Variants in MARCHF1 observed in about 807,000 individuals in gnomAD.
MARCHF1 encodes the protein membrane associated ring-CH-type finger 1.
In MARCHF1, 40 loss-of-function variants were observed where a neutral mutation model predicts 54.2. That is an observed-to-expected ratio of 0.74 (90% CI 0.57 to 0.96). The LOEUF is 0.96. MARCHF1 is among the 40% of genes least tolerant of loss of function. The pLI, the probability that MARCHF1 is intolerant of heterozygous loss-of-function variation, is 0.00. For synonymous variants in MARCHF1, 236 were observed against 236.3 expected (o/e 1.00, Z 0.01); for missense variants, 586 against 656.5 (o/e 0.89, Z 1.17).
intron 2 of MARCHF1, among the ~76,000 whole-genome samples, chr4:164,080,666 G>A (rs138480511): frequency 6.6e-6 from 1 of 150,702 alleles, no homozygotes; most frequent in South Asian, 2.2e-4. Context: ...GTGTGTGTGT[G>A]TGTGTATATA....
At chr4:164,176,980 C>CTCTCTATATATATA (rs1466683245) in intron 1 of MARCHF1, among the ~76,000 whole-genome samples, 30 of 58,864 alleles carry the variant, frequency 5.1e-4, no homozygotes, top group African/African-American at 2.2e-3. Flanking sequence ...CTCTCTCTCT[C>CTCTCTATATATATA]TATATATATA....
chr4:164,019,457 G>A (rs553606793), intron 2 of MARCHF1, among the ~76,000 whole-genome samples: 1 of 152,254 alleles, frequency 6.6e-6, no homozygotes, highest in South Asian at 2.1e-4. Flanking sequence ...ATTCTGGGAT[G>A]GGTTTGCTCT....
At chr4:164,277,530 A>C (rs1733918238) in intron 1 of MARCHF1, among the ~76,000 whole-genome samples, 1 of 152,190 alleles carries the variant, frequency 6.6e-6, no homozygotes, top group South Asian at 2.1e-4. Context: ...ATCACACCTC[A>C]GAGATTCTGT....
At chr4:163,904,912 G>T (rs9999313) in intron 3 of MARCHF1, among the ~76,000 whole-genome samples, 3,184 of 152,170 alleles carry the variant, frequency 0.021, 152 homozygotes, top group East Asian at 0.19. Flanking sequence ...ATTCTAACTT[G>T]TATTTCACTT....
chr4:163,573,627 A>G (rs894653385), intron 8 of MARCHF1, among the ~76,000 whole-genome samples: 1 of 151,730 alleles, frequency 6.6e-6, no homozygotes, highest in Non-Finnish European at 1.5e-5. Flanking sequence ...CCATGTCCCT[A>G]CAAAGGACAT....
At chr4:164,349,574 T>C (rs752003034) in intron 1 of MARCHF1, among the ~76,000 whole-genome samples, 81 of 152,206 alleles carry the variant, frequency 5.3e-4, no homozygotes, top group Non-Finnish European at 1.1e-3. Context: ...TTTCATGTCC[T>C]TTTATGGGAA....
At chr4:163,948,140 A>C (rs1323039647) in intron 3 of MARCHF1, among the ~76,000 whole-genome samples, 1 of 152,234 alleles carries the variant, frequency 6.6e-6, no homozygotes, top group Non-Finnish European at 1.5e-5. Flanking sequence ...GATCTATCTG[A>C]TGACAACAAG....
chr4:164,080,043 A>G (rs1316488236), intron 2 of MARCHF1, among the ~76,000 whole-genome samples: 4 of 152,170 alleles, frequency 2.6e-5, no homozygotes, highest in East Asian at 3.9e-4. Context: ...TAAATTGACA[A>G]TGTGCCAATT....
chr4:164,161,203 G>A (rs1371004190), intron 1 of MARCHF1, among the ~76,000 whole-genome samples: 2 of 152,094 alleles, frequency 1.3e-5, no homozygotes, highest in Non-Finnish European at 2.9e-5. Context: ...GTGATAGGGA[G>A]TGAGTTGTTC....
intron 3 of MARCHF1, among the ~76,000 whole-genome samples, chr4:163,918,258 G>A (rs892306854): frequency 1.3e-4 from 19 of 151,998 alleles, no homozygotes; most frequent in African/African-American, 1.9e-4. Context: ...AATAGATTTT[G>A]CATTTTCTTC....
chr4:164,241,343 T>C (rs898276961), intron 1 of MARCHF1, among the ~76,000 whole-genome samples: 4 of 152,190 alleles, frequency 2.6e-5, no homozygotes, highest in Non-Finnish European at 5.9e-5. Context: ...CCTGCGATAA[T>C]TAAGCTCTTT....
At chr4:164,155,669 G>A (rs910092011) in intron 1 of MARCHF1, among the ~76,000 whole-genome samples, 2 of 152,098 alleles carry the variant, frequency 1.3e-5, no homozygotes, top group Admixed American at 1.3e-4. Context: ...TAGATGTGGA[G>A]ACTTGGTGGG....
chr4:163,899,219 T>C (rs1426146085), intron 3 of MARCHF1, among the ~76,000 whole-genome samples: 1 of 152,220 alleles, frequency 6.6e-6, no homozygotes, highest in Non-Finnish European at 1.5e-5. Context: ...TCCCTTTTCT[T>C]AAATTTGTTC....
At chr4:163,779,132 T>C (rs760591409) in intron 4 of MARCHF1, among the ~76,000 whole-genome samples, 3 of 152,236 alleles carry the variant, frequency 2.0e-5, no homozygotes, top group Admixed American at 6.5e-5. Flanking sequence ...ATATGCTACA[T>C]GGAGAGAAAT....
At chr4:163,708,096 TC>T (rs955773999) in intron 4 of MARCHF1, among the ~76,000 whole-genome samples, 2 of 151,224 alleles carry the variant, frequency 1.3e-5, no homozygotes, top group South Asian at 2.1e-4. Flanking sequence ...TTAGTTGCAA[TC>T]CCCCCCTGTA....
chr4:163,842,981 G>C (rs879419516), intron 4 of MARCHF1, among the ~76,000 whole-genome samples: 1 of 27,286 alleles, frequency 3.7e-5, no homozygotes, highest in African/African-American at 1.4e-4. Flanking sequence ...AGTACAGGGT[G>C]CAATAGGTAG....
intron 1 of MARCHF1, among the ~76,000 whole-genome samples, chr4:164,283,622 T>G (rs560465835): frequency 6.6e-6 from 1 of 150,992 alleles, no homozygotes; most frequent in African/African-American, 2.4e-5. Flanking sequence ...TCCTGGAAAC[T>G]CATCAGAATG....
At chr4:164,055,681 G>A (rs1296761000) in intron 2 of MARCHF1, among the ~76,000 whole-genome samples, 1 of 152,050 alleles carries the variant, frequency 6.6e-6, no homozygotes, top group African/African-American at 2.4e-5. Context: ...TTAGGAAAAC[G>A]AATACAGTCC....
chr4:164,188,179 C>G (rs1227766545), intron 1 of MARCHF1: 1 of 159,552 alleles, frequency 6.3e-6, no homozygotes, highest in Admixed American at 6.2e-5. Flanking sequence ...GCTTTTGCCA[C>G]GTTTGGTTGT....
Sources: gnomAD v4.1 joint callset for allele counts (sites outside exome capture counted in the v4.1 genomes callset) on GRCh38, gnomAD v4.1.1 for gene constraint, MANE v1.5 for transcripts, NCBI Gene and HGNC (gene_info 2026-07-23, HGNC 2026-07-21) for gene names.